The following TMC5 variants were observed in gnomAD, a reference collection of about 807,000 sequenced individuals.
The protein encoded by TMC5 is transmembrane channel-like protein 5.
TMC5 carries 86 observed loss-of-function variants against 110.5 expected under a neutral mutation model. That is an observed-to-expected ratio of 0.78 (90% CI 0.65 to 0.93). The LOEUF (loss-of-function observed/expected upper bound fraction) is 0.93. TMC5 is among the 40% of genes least tolerant of loss of function. TMC5 has a pLI of 0.00. For synonymous variants in TMC5, 455 were observed against 439.5 expected, an observed-to-expected ratio of 1.04 and a Z score of -0.44; for missense variants, 1,144 against 1,222.8, an observed-to-expected ratio of 0.94 and a Z score of 0.96.
chr16:19,477,461 A>G lies in TMC5; in HGVS notation c.2112A>G (p.Ser704=). 6.2e-7 allele frequency: 1 copy of G among 1,612,706 alleles called. No homozygotes were observed. Among genetic ancestry groups the G allele is most frequent in the Non-Finnish European group, 8.5e-7 (1 of 1,179,092 alleles). The change falls in exon 13 of 22, where the codon TCA becomes TCG. Residue 704 remains serine (S), a synonymous_variant. Coordinates refer to ENST00000542583, the MANE Select transcript of TMC5 (RefSeq NM_001261841.2). The part of the protein sequence containing the change: ...LLIRNIFLKI[S]IIGILCYYWL... ...TTAGAAACATCTTTTTGAAAATATC[A>G]ATCATTGGCATTCTTTGTTACTATT...
intron 5 of TMC5, among the ~76,000 whole-genome samples, chr16:19,457,865 A>C (rs1249337893): frequency 6.6e-6 from 1 of 151,592 alleles, no homozygotes; most frequent in East Asian, 1.9e-4. Context: ...CTGGGATTAC[A>C]GGTGCATGTC....
chr16:19,465,103 TCCTTCCTTCCTCCCTCCCTC>T (rs780629390), intron 8 of TMC5, among the ~76,000 whole-genome samples: 9,552 of 93,588 alleles, frequency 0.1, 467 homozygotes, highest in South Asian at 0.23. Context: ...CTTCCTTCCT[TCCTTCCTTCCTCCCTCCCTC>T]CCTCCCTCCC....
At position 19,440,062 on chromosome 16, in the gene TMC5, C is replaced by T; in HGVS notation, c.24C>T (p.Asn8=). MSAYYRN[N]WSEEDPDYPD... The stretch of plus-strand genomic sequence containing the variant: ...ACATGTCTGCCTACTACAGGAATAA[C>T]TGGTCTGAGGAAGACCCAGATTACC... Residue 8 remains asparagine, a synonymous_variant, in exon 3 of 22, where the codon AAC becomes AAT. Transcript: ENST00000542583. The T allele has an allele frequency of 6.2e-7, 1 of 1,613,776 alleles. No homozygotes were observed. Among genetic ancestry groups the T allele is most frequent in the South Asian group, 1.1e-5 (1 of 91,010 alleles).
chr16:19,457,715 T>TTTTTTTTTG, intron 5 of TMC5, among the ~76,000 whole-genome samples: 1 of 77,062 alleles, frequency 1.3e-5, no homozygotes, highest in Non-Finnish European at 2.4e-5. Context: ...CATTCTTTTT[T>TTTTTTTTTG]TTTTTTTTTT....
chr16:19,442,415 A>G (rs908383104), intron 3 of TMC5, among the ~76,000 whole-genome samples: 1 of 146,758 alleles, frequency 6.8e-6, no homozygotes, highest in African/African-American at 2.5e-5. Flanking sequence ...TGCAACCTCC[A>G]TCTCTTAGGT....
At chr16:19,450,560 G>A (rs16972025) in intron 5 of TMC5, among the ~76,000 whole-genome samples, 10,735 of 152,130 alleles carry the variant, frequency 0.071, 777 homozygotes, top group African/African-American at 0.19. Context: ...ATTCATCTCC[G>A]TCAGAGTCAG....
At chr16:19,480,818 A>G (rs1302327433) in intron 14 of TMC5, among the ~76,000 whole-genome samples, 1 of 151,812 alleles carries the variant, frequency 6.6e-6, no homozygotes, top group East Asian at 1.9e-4. Context: ...AAAAAAAAAA[A>G]AAAAAAAGTG....
At chr16:19,465,160 A>C (rs1968155125) in intron 8 of TMC5, among the ~76,000 whole-genome samples, 1 of 142,750 alleles carries the variant, frequency 7.0e-6, no homozygotes, top group African/African-American at 2.7e-5. Flanking sequence ...TGTCTTTCAT[A>C]ACTTGCTTAT....
At chr16:19,435,801 T>C (rs1022566033) in intron 2 of TMC5, among the ~76,000 whole-genome samples, 1 of 152,230 alleles carries the variant, frequency 6.6e-6, no homozygotes, top group Non-Finnish European at 1.5e-5. Flanking sequence ...TCCAACTCTT[T>C]TTCCTCATCC....
At chr16:19,443,378 G>A (rs1488374213) in intron 3 of TMC5, among the ~76,000 whole-genome samples, 1 of 152,038 alleles carries the variant, frequency 6.6e-6, no homozygotes, top group Non-Finnish European at 1.5e-5. Flanking sequence ...CTCCCTTTAT[G>A]TATGAATGTG....
rs367707506 is a variant in TMC5 at position 19,444,080 on chromosome 16, G to C, written c.789-1G>C. ...TAGTGATCCATCATTTTGGATTTTA[G>C]GGTGCTCAGCAGAACATCTTCAATC... On this transcript the variant is annotated splice_acceptor_variant, in intron 3 of 21. Coordinates refer to ENST00000542583, the MANE Select transcript of TMC5 (RefSeq NM_001261841.2). LOFTEE classifies it high-confidence loss of function. 2 of 1,612,812 alleles carry C rather than the reference G, an allele frequency of 1.2e-6. No individual in the cohort carries two copies. Among genetic ancestry groups the C allele is most frequent in the African/African-American group, 2.7e-5 (2 of 74,896 alleles).
rs1476076373 is a variant in TMC5, at chr16:19,472,070, A to G, written c.1783-18A>G. 8 of 1,612,850 alleles carry G rather than the reference A, an allele frequency of 5.0e-6. No individual in the cohort carries two copies. Among genetic ancestry groups the G allele is most frequent in the Non-Finnish European group, 6.8e-6 (8 of 1,179,358 alleles). ...GCCACCATGCCCAGCCATAAACTTG[A>G]CTTTCTTATGTTTCTAGGAGAACCT... On this transcript the variant is annotated intron_variant, in intron 10 of 21. Transcript: ENST00000542583.
Position 19,481,448 on chromosome 16 carries a change from T to C in TMC5, c.2346T>C (p.Tyr782=). The C allele has an allele frequency of 1.2e-6, 2 of 1,613,724 alleles. No individual in the cohort carries two copies. The highest frequency in any genetic ancestry group is 1.6e-4 in the Middle Eastern group (1 of 6,062). The part of the protein sequence containing the change: ...DIARNVLELI[Y]AQTLVWIGIF... ...CCAGGAACGTTCTAGAACTGATCTA[T>C]GCACAAACTCTGGTGTGGTAAGTTT... The change falls in exon 15 of 22, where the codon TAT becomes TAC. Residue 782 remains tyrosine (Y), a synonymous_variant. Coordinates refer to ENST00000542583, the MANE Select transcript of TMC5 (RefSeq NM_001261841.2).
At position 19,477,430 on chromosome 16, in the gene TMC5, T is replaced by C. The variant is rs763856268; in HGVS notation, c.2091-10T>C. On this transcript the variant is annotated splice_polypyrimidine_tract_variant and intron_variant, in intron 12 of 21. Transcript: ENST00000542583. ...TGAAGGTAATCATAAATGTTGTCTC[T>C]TCTGTTTAGAAACATCTTTTTGAAA... The C allele has an allele frequency of 7.5e-6, 12 of 1,598,556 alleles. No individual in the cohort carries two copies. Among genetic ancestry groups the C allele is most frequent in the Non-Finnish European group, 1.0e-5 (12 of 1,166,020 alleles).
intron 9 of TMC5, among the ~76,000 whole-genome samples, chr16:19,469,145 G>A (rs1968260023): frequency 6.6e-6 from 1 of 152,162 alleles, no homozygotes; most frequent in Non-Finnish European, 1.5e-5. Flanking sequence ...CTTGAGGTCA[G>A]GAGTTCAAGA....
intron 5 of TMC5, chr16:19,456,780 C>A: frequency 1.2e-6 from 2 of 1,614,114 alleles, no homozygotes; most frequent in Non-Finnish European, 8.5e-7. Context: ...CAAAGCCACC[C>A]ATCCTCAAAT....
In TMC5 at chr16:19,462,680, A is replaced by G. The variant is rs369394903; in HGVS notation, c.1149-600A>G. 883 of 565,522 alleles carry G rather than the reference A, an allele frequency of 1.6e-3. 3 individuals carry two copies. The highest frequency in any genetic ancestry group is 0.015 in the African/African-American group (790 of 52,802). 35.0% of individuals were successfully genotyped at this position (565,522 alleles called of 1,614,324 possible). On this transcript the variant is annotated intron_variant, in intron 6 of 21. Coordinates refer to ENST00000542583, the MANE Select transcript of TMC5 (RefSeq NM_001261841.2). ...TTTGGGAGGCCAAGGCAGGTGGATC[A>G]CCTGAGGTCAGGAGTTCAAGACCAG...
At chr16:19,472,378 A>T (rs1423185325) in intron 11 of TMC5, 135 bp downstream of exon 11, 2 of 1,011,666 alleles carry the variant, frequency 2.0e-6, no homozygotes, top group South Asian at 1.6e-5. Context: ...AGAACTTGTT[A>T]AAAATGCAGG....
chr16:19,464,907 G>T (rs1968120320), intron 8 of TMC5, among the ~76,000 whole-genome samples: 1 of 150,152 alleles, frequency 6.7e-6, no homozygotes, highest in African/African-American at 2.4e-5. Context: ...CCAAATAGAT[G>T]ACAGGCACAT....
Sources: allele counts gnomAD v4.1 joint callset (sites outside exome capture counted in the v4.1 genomes callset), GRCh38; gene constraint gnomAD v4.1.1; transcripts MANE v1.5; gene names NCBI Gene and HGNC (gene_info 2026-07-23, HGNC 2026-07-21).